The following EYS variants were observed in gnomAD, a reference collection of about 807,000 sequenced individuals.
EYS encodes the protein protein eyes shut homolog.
Under a neutral mutation model 282.1 loss-of-function variants are expected in EYS, and 250 were observed. The ratio of observed to expected loss-of-function variants is 0.89; its 90% CI spans 0.80 to 0.98. The LOEUF is 0.98. Among genes scored for constraint, EYS ranks in the 50% least tolerant of loss-of-function variants. The probability of loss-of-function intolerance (pLI) is 0.00; values close to 1 mark genes in which losing one functional copy is unlikely to be tolerated. For synonymous variants in EYS, 1,355 were observed against 1,282.9 expected, an observed-to-expected ratio of 1.06 and a Z score of -1.20; for missense variants, 4,016 against 3,709.0, an observed-to-expected ratio of 1.08 and a Z score of -2.15.
chr6:64,128,021 A>T (rs2150279329), intron 31 of EYS, among the ~76,000 whole-genome samples: 1 of 152,278 alleles, frequency 6.6e-6, no homozygotes, highest in South Asian at 2.1e-4. Context: ...TGCCAATGTC[A>T]TCTACAATCT....
At chr6:64,079,554 T>C (rs1771888752) in intron 32 of EYS, among the ~76,000 whole-genome samples, 1 of 151,648 alleles carries the variant, frequency 6.6e-6, no homozygotes, top group African/African-American at 2.4e-5. Context: ...AAGGGGATAA[T>C]TGTTTTTTAT....
At chr6:64,028,699 C>T (rs982844169) in intron 33 of EYS, among the ~76,000 whole-genome samples, 5 of 152,218 alleles carry the variant, frequency 3.3e-5, no homozygotes, top group African/African-American at 9.6e-5. Context: ...TTTGGTCAGG[C>T]ACTGGCCCAA....
intron 22 of EYS, among the ~76,000 whole-genome samples, chr6:64,651,214 CT>C (rs1768546187): frequency 1.3e-5 from 2 of 152,116 alleles, no homozygotes; most frequent in Admixed American, 1.3e-4. Flanking sequence ...ACGTATCACT[CT>C]GTTAATTGTA....
At chr6:64,624,866 G>A (rs368851562) in intron 23 of EYS, among the ~76,000 whole-genome samples, 4 of 152,038 alleles carry the variant, frequency 2.6e-5, no homozygotes, top group East Asian at 1.9e-4. Context: ...GGTAAATAGG[G>A]ACTATTTTTT....
chr6:63,851,844 G>C (rs1562060074), intron 36 of EYS, among the ~76,000 whole-genome samples: 1 of 151,938 alleles, frequency 6.6e-6, no homozygotes, highest in Non-Finnish European at 1.5e-5. Flanking sequence ...AGGAGATAGA[G>C]ACACAAAAAA....
intron 2 of EYS, among the ~76,000 whole-genome samples, chr6:65,596,396 C>T (rs1196755162): frequency 6.6e-6 from 1 of 152,052 alleles, no homozygotes; most frequent in East Asian, 1.9e-4. Flanking sequence ...TTCACATAAA[C>T]TTCAAACAGA....
chr6:64,902,288 A>G, intron 17 of EYS, 68 bp from the exon 18 acceptor site: 1 of 1,340,838 alleles, frequency 7.5e-7, no homozygotes, highest in Non-Finnish European at 1.0e-6. Context: ...AACTAATTGT[A>G]GCATGGCAAG....
At chr6:65,030,688 G>C (rs541952018) in intron 13 of EYS, among the ~76,000 whole-genome samples, 24 of 152,236 alleles carry the variant, frequency 1.6e-4, no homozygotes, top group Non-Finnish European at 2.9e-4. Context: ...ACGTTGAGAG[G>C]GTCAGAGAAA....
intron 22 of EYS, among the ~76,000 whole-genome samples, chr6:64,782,928 C>T (rs949301159): frequency 7.9e-5 from 12 of 152,166 alleles, no homozygotes; most frequent in Non-Finnish European, 1.3e-4. Flanking sequence ...GTTTAAATTA[C>T]CAATGGTCAG....
intron 6 of EYS, 40 bp from the exon 7 acceptor site, chr6:65,402,645 G>T: frequency 2.1e-6 from 3 of 1,408,312 alleles, no homozygotes; most frequent in Non-Finnish European, 3.0e-6. Context: ...AAGTATTATG[G>T]ATATTTCAAA....
intron 29 of EYS, among the ~76,000 whole-genome samples, chr6:64,372,738 T>C (rs1228616351): frequency 6.6e-6 from 1 of 152,202 alleles, no homozygotes; most frequent in Non-Finnish European, 1.5e-5. Context: ...ATTTTGTTCA[T>C]TCTTTATTGT....
rs1220925734 is a variant in EYS at position 64,851,824 on chromosome 6, A to T, written c.2993-29002T>A. ...GGTGGAGGGTGGGAGAAGGGAAAGG[A>T]TCAGGAAAAATAACTAATGACTACT... On this transcript the variant is annotated intron_variant, in intron 19 of 42. Transcript: ENST00000503581. 2.6e-5 allele frequency among the ~76,000 whole-genome samples: 4 copies of T among 152,166 alleles called. No individual in the cohort carries two copies. The South Asian group carries it at 8.3e-4, about 32-fold the overall frequency.
chr6:63,949,645 C>T (rs1765508449), intron 35 of EYS, among the ~76,000 whole-genome samples: 1 of 152,164 alleles, frequency 6.6e-6, no homozygotes, highest in East Asian at 1.9e-4. Context: ...ATCCACTAGA[C>T]TATGACCTCC....
In EYS at chr6:63,966,524, G is replaced by C. The variant is rs139909063; in HGVS notation, c.7055+17859C>G. On this transcript the variant is annotated intron_variant, in intron 35 of 42. Transcript: ENST00000503581. Reference sequence around the variant, plus strand: ...TAACTTATGGAAAAAAAAACTGGTTGCTGCTCAAAGCAATAGCAACAGCAT... The same window carrying C: ...TAACTTATGGAAAAAAAAACTGGTTCCTGCTCAAAGCAATAGCAACAGCAT... Among the ~76,000 whole-genome samples, 463 of 152,240 alleles carry C rather than the reference G, an allele frequency of 3.0e-3. 5 individuals are homozygous for C. Among genetic ancestry groups the C allele is most frequent in the African/African-American group, 0.011 (439 of 41,548 alleles).
chr6:64,783,027 C>G (rs1351655700), intron 22 of EYS, among the ~76,000 whole-genome samples: 1 of 152,092 alleles, frequency 6.6e-6, no homozygotes, highest in Non-Finnish European at 1.5e-5. Context: ...GTGATGAAAT[C>G]GTGCACTGCC....
intron 40 of EYS, among the ~76,000 whole-genome samples, chr6:63,762,859 G>A (rs776650010): frequency 7.2e-5 from 11 of 152,182 alleles, no homozygotes; most frequent in Non-Finnish European, 1.5e-4. Context: ...AAAATTGAAA[G>A]AGAATTTTTT....
chr6:64,963,723 C>T (rs755853354), intron 14 of EYS, among the ~76,000 whole-genome samples: 8 of 152,134 alleles, frequency 5.3e-5, no homozygotes, highest in Non-Finnish European at 1.2e-4. Context: ...TATGTTCAAA[C>T]AGATTTTAGT....
chr6:64,937,013 A>C (rs1441102464), intron 15 of EYS, among the ~76,000 whole-genome samples: 1 of 151,654 alleles, frequency 6.6e-6, no homozygotes, highest in East Asian at 1.9e-4. Context: ...TGTCTAATTC[A>C]TGTTAAAGTT....
At chr6:65,250,444 A>G (rs986567308) in intron 12 of EYS, among the ~76,000 whole-genome samples, 1 of 151,910 alleles carries the variant, frequency 6.6e-6, no homozygotes, top group Non-Finnish European at 1.5e-5. Flanking sequence ...TGTAAAACAA[A>G]CCACTGATCT....
Sources: gnomAD v4.1 joint callset for allele counts (sites outside exome capture counted in the v4.1 genomes callset) on GRCh38, gnomAD v4.1.1 for gene constraint, MANE v1.5 for transcripts, NCBI Gene and HGNC (gene_info 2026-07-23, HGNC 2026-07-21) for gene names.